PDE9A: variants seen among roughly 807,000 people sequenced by gnomAD.
PDE9A encodes the protein high affinity cGMP-specific 3',5'-cyclic phosphodiesterase 9A.
A neutral mutation model predicts 87.4 loss-of-function variants in PDE9A; 60 were observed. That is an observed-to-expected ratio of 0.69 (90% confidence interval 0.56 to 0.85). The LOEUF (loss-of-function observed/expected upper bound fraction) is 0.85, where lower values mean the gene tolerates loss of function less well. Ranked by LOEUF, PDE9A falls within the 40% of genes least tolerant of loss-of-function variation. The pLI, the probability that PDE9A is intolerant of heterozygous loss-of-function variation, is 0.00. For missense variants in PDE9A, 665 were observed against 779.0 expected, an observed-to-expected ratio of 0.85 and a Z score of 1.74; for synonymous variants, 272 against 279.4, an observed-to-expected ratio of 0.97 and a Z score of 0.27.
At chr21:42,761,542 CTG>C (rs895731900) in intron 13 of PDE9A, among the ~76,000 whole-genome samples, 3 of 152,240 alleles carry the variant, frequency 2.0e-5, no homozygotes, top group African/African-American at 7.2e-5. Flanking sequence ...CTCTGTTGAA[CTG>C]TGTGTTTGTG....
At chr21:42,758,922 A>T in intron 10 of PDE9A, 77 bp from the exon 11 acceptor site, 2 of 1,110,394 alleles carry the variant, frequency 1.8e-6, no homozygotes, top group Non-Finnish European at 2.7e-6. Flanking sequence ...CTCCGAGGAC[A>T]GCAGAGGGAA....
chr21:42,680,370 C>T (rs752997581), intron 1 of PDE9A, among the ~76,000 whole-genome samples: 3 of 152,246 alleles, frequency 2.0e-5, no homozygotes, highest in South Asian at 2.1e-4. Context: ...GCAAGGCATG[C>T]GCAGGACAGC....
intron 3 of PDE9A, among the ~76,000 whole-genome samples, chr21:42,693,269 C>T (rs1279168138): frequency 6.6e-6 from 1 of 152,046 alleles, no homozygotes; most frequent in Non-Finnish European, 1.5e-5. Flanking sequence ...GGCTTTCCAC[C>T]CTGGCTGCAG....
At chr21:42,712,448 CA>C (rs2049439138) in intron 4 of PDE9A, among the ~76,000 whole-genome samples, 1 of 152,160 alleles carries the variant, frequency 6.6e-6, no homozygotes, top group Admixed American at 6.6e-5. Flanking sequence ...TCCACAGAGA[CA>C]ATCATGACAT....
chr21:42,716,902 C>T (rs529148347), intron 4 of PDE9A, among the ~76,000 whole-genome samples: 54 of 150,808 alleles, frequency 3.6e-4, no homozygotes, highest in Admixed American at 2.4e-3. Context: ...AGATGTGTGC[C>T]GCCACGCCCG....
chr21:42,655,491 G>A (rs769599873), intron 1 of PDE9A, among the ~76,000 whole-genome samples: 5 of 152,116 alleles, frequency 3.3e-5, no homozygotes, highest in Non-Finnish European at 5.9e-5. Flanking sequence ...CTGAGGTTGG[G>A]GTGATCTCCA....
At chr21:42,684,539 G>A (rs917429914) in intron 1 of PDE9A, among the ~76,000 whole-genome samples, 3 of 152,264 alleles carry the variant, frequency 2.0e-5, no homozygotes, top group Non-Finnish European at 4.4e-5. Flanking sequence ...CGGCAGTGGG[G>A]TTGGGAGAAG....
chr21:42,678,360 A>G (rs758934421), intron 1 of PDE9A, among the ~76,000 whole-genome samples: 2 of 152,252 alleles, frequency 1.3e-5, no homozygotes, highest in Non-Finnish European at 2.9e-5. Context: ...TAAATGGGGC[A>G]GAGACAGTGA....
chr21:42,676,451 G>A (rs943215332), intron 1 of PDE9A, among the ~76,000 whole-genome samples: 15 of 152,070 alleles, frequency 9.9e-5, no homozygotes, highest in African/African-American at 2.7e-4. Context: ...CCAGCACCCC[G>A]TCCTGGTGAA....
chr21:42,703,272 T>C (rs902443580), intron 4 of PDE9A, among the ~76,000 whole-genome samples: 2 of 152,228 alleles, frequency 1.3e-5, no homozygotes, highest in Non-Finnish European at 2.9e-5. Context: ...GCCTCTCGGC[T>C]GTCGGCTCCC....
chr21:42,741,408 T>C (rs1488106955), intron 7 of PDE9A: 3 of 152,160 alleles, frequency 2.0e-5, no homozygotes, highest in Non-Finnish European at 4.4e-5. Flanking sequence ...GGACTCTTAG[T>C]GGTTGGACAA....
At chr21:42,714,187 G>A (rs6586340) in intron 4 of PDE9A, among the ~76,000 whole-genome samples, 33 of 151,574 alleles carry the variant, frequency 2.2e-4, no homozygotes, top group African/African-American at 6.5e-4. Context: ...CCTGGCTAAC[G>A]TTTGTATTTT....
intron 3 of PDE9A, chr21:42,697,448 CTTG>C (rs771109619): frequency 1.8e-5 from 29 of 1,612,370 alleles, no homozygotes; most frequent in East Asian, 6.7e-5. Context: ...CACTCCGTAA[CTTG>C]TTGTTTTTAC....
Position 42,760,957 on chromosome 21 carries a change from C to T in PDE9A, c.1085+50C>T, listed in dbSNP as rs767443220. The T allele has an allele frequency of 1.7e-6, 2 of 1,198,022 alleles. No individual in the cohort carries two copies. The highest frequency in any genetic ancestry group is 2.5e-6 in the Non-Finnish European group (2 of 801,892). 74.2% of individuals were successfully genotyped at this position (1,198,022 alleles called of 1,614,324 possible). A position where few individuals can be genotyped will look rare whatever the true frequency, so the allele number is the denominator to read the frequency against. On this transcript the variant is annotated intron_variant, in intron 13 of 19. Coordinates refer to ENST00000291539, the MANE Select transcript of PDE9A (RefSeq NM_002606.3). This position sits in a 1 kb window ranked among gnomAD's most constrained non-coding sequence, Gnocchi z 5.2. ...TTCCTTTTAAAAGGCACCCTGGCTA[C>T]TGGAGGGAACCTGTCAGCCCAACCC...
At chr21:42,656,204 G>A (rs754112097) in intron 1 of PDE9A, among the ~76,000 whole-genome samples, 2 of 152,188 alleles carry the variant, frequency 1.3e-5, no homozygotes, top group African/African-American at 2.4e-5. Context: ...TGCTTCCTAG[G>A]AGGGAGCCCT....
intron 1 of PDE9A, among the ~76,000 whole-genome samples, chr21:42,662,420 T>TG (rs1360992393): frequency 1.2e-4 from 19 of 152,048 alleles, no homozygotes; most frequent in African/African-American, 4.3e-4. Flanking sequence ...TTCCGACTGT[T>TG]GCAGAGGGAT....
intron 17 of PDE9A, 59 bp downstream of exon 17, chr21:42,769,214 C>T (rs2056676580): frequency 6.7e-7 from 1 of 1,501,868 alleles, no homozygotes. Context: ...CATGCACACA[C>T]AGGCACACAC....
chr21:42,763,197 G>T (rs62213436), intron 14 of PDE9A, among the ~76,000 whole-genome samples: 1 of 152,156 alleles, frequency 6.6e-6, no homozygotes. Context: ...GGAAGCTCTC[G>T]GAGTAAACCC....
intron 14 of PDE9A, among the ~76,000 whole-genome samples, chr21:42,764,853 T>C (rs1040073224): frequency 2.0e-5 from 3 of 152,204 alleles, no homozygotes; most frequent in African/African-American, 7.2e-5. Context: ...TATATATATA[T>C]ACAGTTGAAA....
Sources: allele counts gnomAD v4.1 joint callset (sites outside exome capture counted in the v4.1 genomes callset), GRCh38; gene constraint gnomAD v4.1.1; non-coding constraint Gnocchi (gnomAD v3.1); transcripts MANE v1.5; gene names NCBI Gene and HGNC (gene_info 2026-07-23, HGNC 2026-07-21).